MYO3A: variants seen among roughly 807,000 people sequenced by gnomAD.
The protein encoded by MYO3A is myosin-IIIa.
MYO3A carries 180 observed loss-of-function variants against 192.7 expected under a neutral mutation model. The observed-to-expected ratio is 0.93, with a 90% CI of 0.83 to 1.06. MYO3A has a LOEUF of 1.06. MYO3A is among the 50% of genes least tolerant of loss of function. MYO3A has a pLI of 0.00. For synonymous variants in MYO3A, 628 were observed against 645.3 expected (o/e 0.97, Z 0.41); for missense variants, 1,896 against 1,905.0 (o/e 1.00, Z 0.09).
intron 10 of MYO3A, among the ~76,000 whole-genome samples, chr10:26,034,448 T>G (rs1842936418): frequency 6.6e-6 from 1 of 152,318 alleles, no homozygotes; most frequent in South Asian, 2.1e-4. Flanking sequence ...CTTCACCTAG[T>G]TCAGTGTAAG....
chr10:26,207,188 T>C (rs549134997), intron 34 of MYO3A, among the ~76,000 whole-genome samples: 1 of 152,306 alleles, frequency 6.6e-6, no homozygotes, highest in South Asian at 2.1e-4. Context: ...TTCTGTTGAA[T>C]GCTTCCTCTG....
At chr10:26,170,052 A>G (rs1194828857) in intron 28 of MYO3A, among the ~76,000 whole-genome samples, 1 of 152,242 alleles carries the variant, frequency 6.6e-6, no homozygotes, top group East Asian at 1.9e-4. Flanking sequence ...CAAATATACA[A>G]TCTGATCATC....
chr10:26,029,363 T>A (rs971649026), intron 10 of MYO3A, among the ~76,000 whole-genome samples: 2 of 152,240 alleles, frequency 1.3e-5, no homozygotes, highest in South Asian at 2.1e-4. Flanking sequence ...TTCTTTTCAC[T>A]TTTTATTTCT....
chr10:26,112,872 A>G (rs189453711), intron 17 of MYO3A, among the ~76,000 whole-genome samples: 112 of 152,300 alleles, frequency 7.4e-4, no homozygotes, highest in Non-Finnish European at 1.5e-3. Context: ...TTGATGATTC[A>G]TAGTAGTTTG....
chr10:26,000,588 G>A (rs1036986450), intron 6 of MYO3A, among the ~76,000 whole-genome samples: 11 of 151,660 alleles, frequency 7.3e-5, no homozygotes, highest in Non-Finnish European at 8.8e-5. Flanking sequence ...ATGGAGAGAA[G>A]TTTTCAGGGA....
At chr10:26,121,883 G>A (rs1384115182) in intron 18 of MYO3A, among the ~76,000 whole-genome samples, 1 of 152,196 alleles carries the variant, frequency 6.6e-6, no homozygotes, top group Non-Finnish European at 1.5e-5. Flanking sequence ...TCCTGGTCTG[G>A]ACCTGTCCCC....
chr10:26,174,698 G>A (rs1175008638), intron 30 of MYO3A, 141 bp downstream of exon 30: 1 of 743,038 alleles, frequency 1.3e-6, no homozygotes, highest in African/African-American at 1.8e-5. Flanking sequence ...AATGTCTCAG[G>A]GATTGTGCTA....
At chr10:26,049,665 CTTTCTTTCTTTTTTTT>C (rs1193437302) in intron 10 of MYO3A, among the ~76,000 whole-genome samples, 3 of 71,522 alleles carry the variant, frequency 4.2e-5, no homozygotes, top group African/African-American at 8.7e-5. Flanking sequence ...TTCTTTCTTT[CTTTCTTTCTTTTTTTT>C]TTTTTTTTTT....
At chr10:26,026,323 A>G (rs1340965033) in intron 9 of MYO3A, 54 bp from the exon 10 acceptor site, 7 of 1,590,600 alleles carry the variant, frequency 4.4e-6, no homozygotes, top group Non-Finnish European at 6.0e-6. Context: ...TATGAATAAT[A>G]GTTTCAAAAC....
chr10:26,185,014 T>TA (rs1255169237), intron 31 of MYO3A, among the ~76,000 whole-genome samples: 1 of 152,170 alleles, frequency 6.6e-6, no homozygotes, highest in Admixed American at 6.5e-5. Context: ...GTTTGCTCTT[T>TA]AAAAAAATAT....
In MYO3A at chr10:26,176,685, A is replaced by G. The variant is rs1212647267; in HGVS notation, c.4294-16A>G. ...TCTTTTCCTTGATTTAACCTGACAC[A>G]TGACCTTCTTTTTAGATATCAAAGT... On this transcript the variant is annotated splice_polypyrimidine_tract_variant and intron_variant, in intron 30 of 34. Transcript: ENST00000642920. 7 of 1,604,660 alleles carry G rather than the reference A, an allele frequency of 4.4e-6. No homozygotes were observed. The highest frequency in any genetic ancestry group is 1.7e-5 in the Admixed American group (1 of 59,952).
rs1208408303 is a variant in MYO3A, at chr10:26,173,919, A to G, written c.3655A>G (p.Lys1219Glu). ...PEVSPKQKSV[K>E]DLEENSNLRK... ...AGTAAGCCCCAAACAGAAGTCTGTC[A>G]AAGACCTGGAAGAGAACAGCAATCT... The change falls in exon 30 of 35, where the codon AAA (lysine) becomes GAA (glutamate). Residue 1219 changes from lysine to glutamate, a missense_variant. By Grantham distance (56) the Lys-to-Glu change is moderately conservative (BLOSUM62 1). Coordinates refer to ENST00000642920, the MANE Select transcript of MYO3A (RefSeq NM_017433.5). The G allele has an allele frequency of 6.2e-7, 1 of 1,613,524 alleles. No individual in the cohort carries two copies. The highest frequency in any genetic ancestry group is 8.5e-7 in the Non-Finnish European group (1 of 1,179,930).
intron 6 of MYO3A, among the ~76,000 whole-genome samples, chr10:26,006,359 A>C (rs1841206610): frequency 6.6e-6 from 1 of 152,232 alleles, no homozygotes; most frequent in African/African-American, 2.4e-5. Context: ...AAGCTAGCAG[A>C]AGGCAAGAAA....
At chr10:26,096,359 CT>C (rs759261205) in intron 15 of MYO3A, 21 bp from the exon 16 acceptor site, 1 of 1,507,476 alleles carries the variant, frequency 6.6e-7, no homozygotes, top group Non-Finnish European at 9.2e-7. Flanking sequence ...AACTACCTTA[CT>C]GTAAATATCT....
At chr10:25,957,290 G>A (rs1178011396) in intron 4 of MYO3A, among the ~76,000 whole-genome samples, 1 of 152,108 alleles carries the variant, frequency 6.6e-6, no homozygotes, top group Non-Finnish European at 1.5e-5. Flanking sequence ...AGATCTGATG[G>A]TTTTATAAGG....
At chr10:26,014,386 C>T (rs962337789) in intron 6 of MYO3A, among the ~76,000 whole-genome samples, 1 of 152,044 alleles carries the variant, frequency 6.6e-6, no homozygotes, top group South Asian at 2.1e-4. Context: ...CTTCATATAA[C>T]TTTCAGAAAT....
chr10:26,149,195 G>T (rs901330291), intron 23 of MYO3A, among the ~76,000 whole-genome samples: 7 of 150,950 alleles, frequency 4.6e-5, no homozygotes, highest in Admixed American at 6.6e-5. Flanking sequence ...TTCCTGAATG[G>T]TTTTTTTTGT....
At chr10:26,045,941 C>G (rs1333104755) in intron 10 of MYO3A, among the ~76,000 whole-genome samples, 1 of 152,186 alleles carries the variant, frequency 6.6e-6, no homozygotes, top group African/African-American at 2.4e-5. Context: ...TAGCTGAGCT[C>G]TTGCAGGAAG....
intron 26 of MYO3A, among the ~76,000 whole-genome samples, chr10:26,165,191 C>T (rs1372641474): frequency 6.6e-6 from 1 of 152,098 alleles, no homozygotes; most frequent in African/African-American, 2.4e-5. Flanking sequence ...CAAGTATATA[C>T]AGTTAATGAG....
Sources: allele counts gnomAD v4.1 joint callset (sites outside exome capture counted in the v4.1 genomes callset), GRCh38; gene constraint gnomAD v4.1.1; transcripts MANE v1.5; gene names NCBI Gene and HGNC (gene_info 2026-07-23, HGNC 2026-07-21).